KSR2: variants seen among roughly 807,000 people sequenced by gnomAD.
KSR2 encodes kinase suppressor of ras 2.
Under a neutral mutation model 107.8 loss-of-function variants are expected in KSR2, and 25 were observed. That is an observed-to-expected ratio of 0.23 (90% CI 0.17 to 0.32). The LOEUF (loss-of-function observed/expected upper bound fraction) is 0.32, where lower values mean the gene tolerates loss of function less well. Among genes scored for constraint, KSR2 ranks in the 10% least tolerant of loss-of-function variants. The pLI, the probability that KSR2 is intolerant of heterozygous loss-of-function variation, is 1.00. For synonymous variants in KSR2, 480 were observed against 507.0 expected (o/e 0.95, Z 0.71); for missense variants, 887 against 1,268.9 (o/e 0.70, Z 4.57).
chr12:117,511,870 C>G (rs1479592119), intron 14 of KSR2, among the ~76,000 whole-genome samples: 3 of 152,218 alleles, frequency 2.0e-5, no homozygotes, highest in Non-Finnish European at 4.4e-5. Flanking sequence ...CATTTCCTGT[C>G]TCAGCGACCC....
chr12:117,802,750 G>A (rs1890877875), intron 3 of KSR2, among the ~76,000 whole-genome samples: 1 of 152,204 alleles, frequency 6.6e-6, no homozygotes, highest in Non-Finnish European at 1.5e-5. Flanking sequence ...ACCCCAGTAG[G>A]CCTGTGGAAT....
intron 5 of KSR2, among the ~76,000 whole-genome samples, chr12:117,658,151 G>A (rs1884266277): frequency 6.6e-6 from 1 of 152,256 alleles, no homozygotes; most frequent in Non-Finnish European, 1.5e-5. Flanking sequence ...TGAAGCTAGA[G>A]AGAGCACAGG....
chr12:117,741,360 A>G (rs1327621889), intron 4 of KSR2, among the ~76,000 whole-genome samples: 1 of 145,012 alleles, frequency 6.9e-6, no homozygotes, highest in Non-Finnish European at 1.5e-5. Context: ...GTACAAAAAA[A>G]AAAAAAAATT....
intron 1 of KSR2, among the ~76,000 whole-genome samples, chr12:117,963,936 G>A (rs1896726545): frequency 6.6e-6 from 1 of 152,124 alleles, no homozygotes; most frequent in Non-Finnish European, 1.5e-5. Flanking sequence ...AACCAAGAAG[G>A]TTTCCCTGCT....
intron 5 of KSR2, among the ~76,000 whole-genome samples, chr12:117,656,152 CAT>C (rs536494190): frequency 2.5e-4 from 38 of 152,068 alleles, no homozygotes; most frequent in Admixed American, 1.2e-3. Flanking sequence ...TTGTTAAACA[CAT>C]GTTTGTGTAC....
At chr12:117,918,206 T>C (rs984913924) in intron 1 of KSR2, among the ~76,000 whole-genome samples, 5 of 152,264 alleles carry the variant, frequency 3.3e-5, no homozygotes, top group Non-Finnish European at 7.3e-5. Context: ...TCATTCATTA[T>C]GGCTTCCTTG....
intron 1 of KSR2, among the ~76,000 whole-genome samples, chr12:117,930,774 C>A (rs1373770218): frequency 6.6e-6 from 1 of 152,038 alleles, no homozygotes; most frequent in African/African-American, 2.4e-5. Flanking sequence ...ATTAGCCAGA[C>A]GTGGTGGCAC....
intron 5 of KSR2, among the ~76,000 whole-genome samples, chr12:117,650,177 G>T (rs1322866847): frequency 6.6e-6 from 1 of 152,090 alleles, no homozygotes; most frequent in Non-Finnish European, 1.5e-5. Context: ...CAGCTTCCAG[G>T]GAATATAAAG....
At chr12:117,517,452 T>G (rs1312206755) in intron 14 of KSR2, among the ~76,000 whole-genome samples, 1 of 152,214 alleles carries the variant, frequency 6.6e-6, no homozygotes, top group African/African-American at 2.4e-5. Context: ...CACAGTTTTT[T>G]AAAGTGATGA....
chr12:117,483,868 G>A lies in KSR2; in HGVS notation c.2450+548C>T, dbSNP rs143527727. On this transcript the variant is annotated intron_variant, in intron 16 of 19. Transcript: ENST00000339824. ...ATGCGTGTTCTCATTTTATCCTCAC[G>A]AGAACTGACAGAGGAAGGCATCAAC... Among the ~76,000 whole-genome samples the A allele has an allele frequency of 1.2e-4, 19 of 152,270 alleles. 1 individual carries two copies. In the East Asian group the frequency reaches 3.5e-3, roughly 28 times the overall value.
At chr12:117,914,408 G>A (rs1362926711) in intron 1 of KSR2, among the ~76,000 whole-genome samples, 6 of 140,706 alleles carry the variant, frequency 4.3e-5, no homozygotes, top group Non-Finnish European at 6.0e-5. Flanking sequence ...CAGCTTGGGC[G>A]ACAGAGTGAG....
chr12:117,797,335 T>C lies in KSR2; in HGVS notation c.473-35811A>G, dbSNP rs1890668957. 2.0e-5 allele frequency among the ~76,000 whole-genome samples: 3 copies of C among 152,164 alleles called. No individual in the cohort carries two copies. The South Asian group carries it at 6.2e-4, about 32-fold the overall frequency. ...AATAAAGTACTGATACATGCCATAG[T>C]TGGGTTAATCTTGAATATATTTTGA... On this transcript the variant is annotated intron_variant, in intron 3 of 19. Transcript: ENST00000339824.
At chr12:117,479,940 C>A (rs1872051071) in intron 16 of KSR2, among the ~76,000 whole-genome samples, 1 of 152,054 alleles carries the variant, frequency 6.6e-6, no homozygotes, top group South Asian at 2.1e-4. Flanking sequence ...AGAGCTGTTG[C>A]AAGGATTAAA....
chr12:117,929,069 T>C (rs1593377563), intron 1 of KSR2, among the ~76,000 whole-genome samples: 4 of 152,346 alleles, frequency 2.6e-5, no homozygotes, highest in Admixed American at 2.6e-4. Context: ...CATCACCAAG[T>C]AGTTGTATGA....
intron 1 of KSR2, among the ~76,000 whole-genome samples, chr12:117,938,200 C>T (rs1403006965): frequency 2.0e-5 from 3 of 152,136 alleles, no homozygotes; most frequent in Non-Finnish European, 4.4e-5. Context: ...TATTCTGTGT[C>T]CCAGTACCCA....
In KSR2 at chr12:117,463,155, G is replaced by A. The variant is rs1446515159; in HGVS notation, c.*4044C>T. ...GTCCAGGGAGTTGGTCCAGCCTTCA[G>A]GGCCTGAATTGCCTCCATATCACAC... On this transcript the variant is annotated 3_prime_UTR_variant, in exon 20 of 20. Transcript: ENST00000339824. 1 of 152,254 alleles carries A rather than the reference G, an allele frequency of 6.6e-6. No homozygotes were observed. The highest frequency in any genetic ancestry group is 1.5e-5 in the Non-Finnish European group (1 of 68,072). The allele number at this position is 152,254 out of a possible 1,614,324, so 9.4% of individuals were successfully genotyped here.
At chr12:117,469,352 C>A (rs1269749082) in intron 19 of KSR2, among the ~76,000 whole-genome samples, 1 of 152,078 alleles carries the variant, frequency 6.6e-6, no homozygotes, top group Non-Finnish European at 1.5e-5. Flanking sequence ...GGGGGCTTGG[C>A]AGGTTCAGAC....
intron 14 of KSR2, among the ~76,000 whole-genome samples, chr12:117,522,085 G>GA (rs1202890610): frequency 6.6e-6 from 1 of 152,198 alleles, no homozygotes; most frequent in Non-Finnish European, 1.5e-5. Context: ...GTGGTGCCAG[G>GA]AAAAGGCTGG....
chr12:117,717,659 G>A (rs1037531688), intron 4 of KSR2, among the ~76,000 whole-genome samples: 4 of 149,216 alleles, frequency 2.7e-5, no homozygotes, highest in Non-Finnish European at 5.9e-5. Flanking sequence ...CATGTGTGGG[G>A]CAGACAGGTG....
Sources: allele counts gnomAD v4.1 joint callset (sites outside exome capture counted in the v4.1 genomes callset), GRCh38; gene constraint gnomAD v4.1.1; transcripts MANE v1.5; gene names NCBI Gene and HGNC (gene_info 2026-07-23, HGNC 2026-07-21).